MARCHF3: variants seen among roughly 807,000 people sequenced by gnomAD.
MARCHF3 encodes the protein E3 ubiquitin-protein ligase MARCHF3.
In MARCHF3, 13 loss-of-function variants were observed where a neutral mutation model predicts 24.2. That is an observed-to-expected ratio of 0.54 (90% CI 0.35 to 0.85). The LOEUF (loss-of-function observed/expected upper bound fraction) is 0.85, where lower values mean the gene tolerates loss of function less well. MARCHF3 is among the 40% of genes least tolerant of loss of function. MARCHF3 has a pLI of 0.01. For missense variants in MARCHF3, 276 were observed against 325.0 expected, an observed-to-expected ratio of 0.85 and a Z score of 1.16; for synonymous variants, 144 against 137.3, an observed-to-expected ratio of 1.05 and a Z score of -0.34.
At chr5:127,015,556 A>G (rs1752612658) in intron 1 of MARCHF3, among the ~76,000 whole-genome samples, 1 of 152,220 alleles carries the variant, frequency 6.6e-6, no homozygotes, top group South Asian at 2.1e-4. Flanking sequence ...AGAAGGTCCC[A>G]AGCTGAAAGC....
At chr5:126,953,960 T>C (rs972390149) in intron 1 of MARCHF3, among the ~76,000 whole-genome samples, 2 of 152,206 alleles carry the variant, frequency 1.3e-5, no homozygotes, top group African/African-American at 2.4e-5. Flanking sequence ...AAATGAATTT[T>C]TAATATAATC....
Position 126,915,056 on chromosome 5 carries a change from A to C in MARCHF3, c.267T>G (p.Cys89Trp), listed in dbSNP as rs1456399258. The change falls in exon 3 of 5, where the codon TGT becomes TGG. Residue 89 changes from cysteine (C) to tryptophan (W), a missense_variant. By Grantham distance (215) the Cys-to-Trp change is radical. Transcript: ENST00000308660. ...SQEDLLSPCE[C>W]TGTLGTIHRS... ...GATGAATTGTCCCCAAGGTCCCTGTACATTCACATGGAGAGAGCAAGTCCT... is the reference window on the plus strand; with the variant it reads ...GATGAATTGTCCCCAAGGTCCCTGTCCATTCACATGGAGAGAGCAAGTCCT... 6.2e-7 allele frequency: 1 copy of C among 1,614,056 alleles called. No homozygotes were observed. The highest frequency in any genetic ancestry group is 8.5e-7 in the Non-Finnish European group (1 of 1,180,034).
At chr5:126,910,764 T>G (rs1292691606) in intron 3 of MARCHF3, among the ~76,000 whole-genome samples, 1 of 152,114 alleles carries the variant, frequency 6.6e-6, no homozygotes, top group Non-Finnish European at 1.5e-5. Flanking sequence ...TCTGGGCACC[T>G]TGAAAAAAGA....
chr5:127,020,989 C>T (rs1752788059), intron 1 of MARCHF3, among the ~76,000 whole-genome samples: 1 of 152,080 alleles, frequency 6.6e-6, no homozygotes, highest in Non-Finnish European at 1.5e-5. Context: ...CCCCAGACAC[C>T]AAATCTGCTG....
Position 126,876,828 on chromosome 5 carries a change from T to C in MARCHF3, c.603+1357A>G, listed in dbSNP as rs182425127. 1.7e-3 allele frequency among the ~76,000 whole-genome samples: 255 copies of C among 152,320 alleles called. 4 individuals are homozygous for C. In the South Asian group the frequency reaches 0.025, roughly 15 times the overall value. ...CGATGCCCAGCTAATTTTTGTATTT[T>C]TAGTAGAGACAGGGTTTCGCCATGT... On this transcript the variant is annotated intron_variant, in intron 4 of 4. Coordinates refer to ENST00000308660, the MANE Select transcript of MARCHF3 (RefSeq NM_178450.5).
chr5:126,954,935 GT>G (rs1480719501), intron 1 of MARCHF3, among the ~76,000 whole-genome samples: 8 of 151,732 alleles, frequency 5.3e-5, no homozygotes, highest in Non-Finnish European at 1.2e-4. Context: ...TAATTTTTGT[GT>G]TTTTCAGTAC....
rs189736525 is a variant in MARCHF3 at position 126,871,560 on chromosome 5, G to A, written c.604-769C>T. On this transcript the variant is annotated intron_variant, in intron 4 of 4. Transcript: ENST00000308660. ...CACTAGAAGCATCTTGAGAGCAGGC[G>A]TTGTGTTGTGTTCATCTTTGCATGC... Among the ~76,000 whole-genome samples the A allele has an allele frequency of 2.8e-3, 419 of 152,316 alleles. 1 individual carries two copies. Among genetic ancestry groups the A allele is most frequent in the Non-Finnish European group, 4.8e-3 (324 of 68,036 alleles).
intron 1 of MARCHF3, among the ~76,000 whole-genome samples, chr5:126,929,954 T>C (rs1376770792): frequency 6.6e-6 from 1 of 152,216 alleles, no homozygotes; most frequent in Non-Finnish European, 1.5e-5. Flanking sequence ...GCCATGATTG[T>C]GAGGCCTCCC....
At chr5:126,991,629 G>A (rs913780200) in intron 1 of MARCHF3, among the ~76,000 whole-genome samples, 5 of 151,994 alleles carry the variant, frequency 3.3e-5, no homozygotes, top group Non-Finnish European at 5.9e-5. Flanking sequence ...GCTGAGGCAG[G>A]AGAATCGCTT....
chr5:127,014,711 A>T (rs1752579735), intron 1 of MARCHF3, among the ~76,000 whole-genome samples: 1 of 152,234 alleles, frequency 6.6e-6, no homozygotes. Flanking sequence ...AGGAACAGAA[A>T]GCTAAACACC....
intron 4 of MARCHF3, among the ~76,000 whole-genome samples, chr5:126,873,409 G>GAA (rs77244995): frequency 2.9e-5 from 3 of 104,354 alleles, no homozygotes; most frequent in Non-Finnish European, 2.1e-5. Context: ...AACAGAAAAA[G>GAA]AAAAAAAAAA....
At chr5:126,993,070 C>T (rs1468400194) in intron 1 of MARCHF3, among the ~76,000 whole-genome samples, 1 of 152,142 alleles carries the variant, frequency 6.6e-6, no homozygotes, top group Non-Finnish European at 1.5e-5. Context: ...CTGCGCCTGG[C>T]CGACATCCCC....
intron 1 of MARCHF3, among the ~76,000 whole-genome samples, chr5:126,991,580 CATGGTGG>C (rs1285977136): frequency 1.3e-5 from 2 of 152,038 alleles, no homozygotes; most frequent in Non-Finnish European, 2.9e-5. Flanking sequence ...ATTAGCTGGG[CATGGTGG>C]TACATGCCTG....
intron 1 of MARCHF3, among the ~76,000 whole-genome samples, chr5:127,019,890 T>C (rs1752740066): frequency 6.6e-6 from 1 of 152,260 alleles, no homozygotes; most frequent in South Asian, 2.1e-4. Flanking sequence ...ACTAATTTCT[T>C]TGTCTCTTAG....
chr5:126,884,869 A>G, intron 3 of MARCHF3, among the ~76,000 whole-genome samples: 1 of 152,146 alleles, frequency 6.6e-6, no homozygotes, highest in Non-Finnish European at 1.5e-5. Context: ...CTAGAAATAT[A>G]AATCAAATTG....
At chr5:126,914,877 G>T in intron 3 of MARCHF3, 53 bp downstream of exon 3, 1 of 1,577,802 alleles carries the variant, frequency 6.3e-7, no homozygotes, top group Non-Finnish European at 8.7e-7. Flanking sequence ...CATAAAAACA[G>T]ACATCATTTG....
At chr5:126,946,329 G>C (rs1750007474) in intron 1 of MARCHF3, 1 of 135,206 alleles carries the variant, frequency 7.4e-6, no homozygotes, top group South Asian at 2.5e-4. Flanking sequence ...CCGTGATCGT[G>C]TCACTGTACT....
intron 3 of MARCHF3, among the ~76,000 whole-genome samples, chr5:126,896,321 C>T (rs938968789): frequency 6.6e-6 from 1 of 152,118 alleles, no homozygotes; most frequent in Non-Finnish European, 1.5e-5. Flanking sequence ...ATTCGGCCAT[C>T]TTGGCTCCTC....
intron 1 of MARCHF3, among the ~76,000 whole-genome samples, chr5:126,968,151 G>C (rs1056845385): frequency 3.3e-5 from 5 of 152,186 alleles, no homozygotes; most frequent in Non-Finnish European, 7.3e-5. Context: ...CCAGTACTTT[G>C]TTCCTTTTCA....
Sources: allele counts gnomAD v4.1 joint callset (sites outside exome capture counted in the v4.1 genomes callset), GRCh38; gene constraint gnomAD v4.1.1; transcripts MANE v1.5; gene names NCBI Gene and HGNC (gene_info 2026-07-23, HGNC 2026-07-21).